KLHL2: variants seen among roughly 807,000 people sequenced by gnomAD.
KLHL2 encodes the protein kelch-like protein 2.
In KLHL2, 15 loss-of-function variants were observed where a neutral mutation model predicts 75.8. The ratio of observed to expected loss-of-function variants is 0.20; its 90% confidence interval spans 0.13 to 0.30. The LOEUF is 0.30. Among genes scored for constraint, KLHL2 ranks in the 10% least tolerant of loss-of-function variants. The pLI is 1.00. For missense variants in KLHL2, 381 were observed against 741.0 expected (o/e 0.51, Z 5.64); for synonymous variants, 214 against 251.9 (o/e 0.85, Z 1.42).
chr4:165,261,256 A>G (rs1429635554), intron 4 of KLHL2, among the ~76,000 whole-genome samples: 1 of 152,262 alleles, frequency 6.6e-6, no homozygotes, highest in African/African-American at 2.4e-5. Context: ...CCTTCTGTGG[A>G]TATTCATTCT....
chr4:165,313,294 G>A lies in KLHL2; in HGVS notation c.1396G>A (p.Val466Ile). ...DGASRQCLST[V>I]ECYNATTNEW... ...AGCATCACGTCAGTGTCTTAGCACAGTAGAATGCTATAATGCTACAACAAA... is the reference window on the plus strand; with the variant it reads ...AGCATCACGTCAGTGTCTTAGCACAATAGAATGCTATAATGCTACAACAAA... Residue 466 changes from valine to isoleucine, a missense_variant, in exon 12 of 15, where the codon GTA becomes ATA. Physicochemically the swap from Val to Ile is conservative, Grantham distance 29. Transcript: ENST00000226725. 1 of 1,601,872 alleles carries A rather than the reference G, an allele frequency of 6.2e-7. No homozygotes were observed. Among genetic ancestry groups the A allele is most frequent in the Non-Finnish European group, 8.5e-7 (1 of 1,174,990 alleles).
Position 165,207,738 on chromosome 4 carries a change from G to T in KLHL2, c.-139G>T, listed in dbSNP as rs911696618. ...GGGGGCCGCCGCCGCAGGTGGTGGC[G>T]CGCGGTGAGGAGAGCGCGGCGCCCC... On this transcript the variant is annotated 5_prime_UTR_variant, in exon 1 of 15. Transcript: ENST00000226725. This position sits in a 1 kb window ranked among gnomAD's most constrained non-coding sequence, Gnocchi z 4.2. The T allele has an allele frequency of 2.0e-6, 1 of 488,996 alleles. No homozygotes were observed. Among genetic ancestry groups the T allele is most frequent in the South Asian group, 6.0e-5 (1 of 16,580 alleles). 30.3% of individuals were successfully genotyped at this position (488,996 alleles called of 1,614,324 possible).
At position 165,228,823 on chromosome 4, in the gene KLHL2, G is replaced by A; in HGVS notation, c.169G>A (p.Asp57Asn). 1.2e-6 allele frequency: 2 copies of A among 1,612,072 alleles called. No individual in the cohort carries two copies. The highest frequency in any genetic ancestry group is 8.5e-7 in the Non-Finnish European group (1 of 1,178,578). The change falls in exon 3 of 15, where the codon GAT becomes AAT. Residue 57 changes from aspartate (D) to asparagine (N), a missense_variant. Coordinates refer to ENST00000226725, the MANE Select transcript of KLHL2 (RefSeq NM_007246.4). ...TTTACACAGTCAAAATTTGCTGTGC[G>A]ATGTCACAATTGTGGCAGAAGACAT... Reference protein sequence around the residue: ...NELRSQNLLCDVTIVAEDMEI... With the variant: ...NELRSQNLLCNVTIVAEDMEI...
At chr4:165,308,079 T>C (rs1248119565) in intron 9 of KLHL2, among the ~76,000 whole-genome samples, 1 of 152,234 alleles carries the variant, frequency 6.6e-6, no homozygotes, top group Non-Finnish European at 1.5e-5. Flanking sequence ...CAATTTTAGT[T>C]ACTGAGCTTT....
chr4:165,300,229 A>G (rs1039043952), intron 8 of KLHL2, among the ~76,000 whole-genome samples: 7 of 151,884 alleles, frequency 4.6e-5, no homozygotes, highest in African/African-American at 1.7e-4. Context: ...CGGAGGTTGC[A>G]GTGAGCTGAG....
At chr4:165,253,833 T>C (rs570133633) in intron 4 of KLHL2, among the ~76,000 whole-genome samples, 1 of 152,372 alleles carries the variant, frequency 6.6e-6, no homozygotes, top group Non-Finnish European at 1.5e-5. Context: ...GTGAGAGTCA[T>C]CTATGCTGTT....
At chr4:165,283,588 C>G (rs553619072) in intron 5 of KLHL2, among the ~76,000 whole-genome samples, 55 of 152,328 alleles carry the variant, frequency 3.6e-4, no homozygotes, top group Non-Finnish European at 7.2e-4. Context: ...TTGGGCAGCT[C>G]CTACCTCCTG....
chr4:165,279,347 C>G (rs1255176527), intron 5 of KLHL2: 5 of 1,579,546 alleles, frequency 3.2e-6, no homozygotes, highest in Non-Finnish European at 4.4e-6. Flanking sequence ...TATCTTGTCC[C>G]AGACTACGGT....
chr4:165,262,690 C>T (rs1163278731), intron 4 of KLHL2, among the ~76,000 whole-genome samples: 1 of 152,058 alleles, frequency 6.6e-6, no homozygotes, highest in East Asian at 1.9e-4. Flanking sequence ...GTGATCCTCC[C>T]ACCTCTGCCT....
At chr4:165,264,678 ATGTATGTG>A (rs1327902990) in intron 5 of KLHL2, among the ~76,000 whole-genome samples, 3 of 64,828 alleles carry the variant, frequency 4.6e-5, no homozygotes, top group African/African-American at 1.4e-4. Flanking sequence ...ACATACGTAT[ATGTATGTG>A]TGTGTGTGTG....
rs182133305 is a variant in KLHL2, at chr4:165,275,662, G to C, written c.544+12303G>C. On this transcript the variant is annotated intron_variant, in intron 5 of 14. Transcript: ENST00000226725. ...TTGCTGTGTTGCCCAGGCTGTGCTC[G>C]AACTCCTGGCCTTAAGCAGTCCTCC... Among the ~76,000 whole-genome samples the C allele has an allele frequency of 6.9e-3, 1,046 of 152,196 alleles. 15 individuals carry two copies. Among genetic ancestry groups the C allele is most frequent in the African/African-American group, 0.024 (990 of 41,516 alleles).
At chr4:165,253,280 C>A (rs949181875) in intron 4 of KLHL2, among the ~76,000 whole-genome samples, 1 of 152,062 alleles carries the variant, frequency 6.6e-6, no homozygotes, top group Admixed American at 6.5e-5. Context: ...GTGATCCAAC[C>A]GCCTCGGCCT....
intron 13 of KLHL2, 96 bp from the exon 14 acceptor site, chr4:165,317,729 AT>A: frequency 1.1e-6 from 1 of 903,902 alleles, no homozygotes; most frequent in Non-Finnish European, 1.7e-6. Flanking sequence ...TTTCAAAGAA[AT>A]TAGTGTCTCT....
chr4:165,302,643 T>C (rs1162795924), intron 8 of KLHL2, among the ~76,000 whole-genome samples: 1 of 152,180 alleles, frequency 6.6e-6, no homozygotes, highest in African/African-American at 2.4e-5. Context: ...TGTTAGCTTT[T>C]CTCTTTGGAA....
At chr4:165,253,549 C>T (rs1321803627) in intron 4 of KLHL2, among the ~76,000 whole-genome samples, 1 of 152,130 alleles carries the variant, frequency 6.6e-6, no homozygotes, top group African/African-American at 2.4e-5. Context: ...TTGTTTTTCC[C>T]CTAGTGGGAT....
Position 165,271,060 on chromosome 4 carries a change from T to C in KLHL2, c.544+7701T>C, listed in dbSNP as rs1016690404. ...TCTGGTTATGATACCCTTATATTAG[T>C]ATAATTTGAAGTCAGGTAATGTCAT... On this transcript the variant is annotated intron_variant, in intron 5 of 14. Coordinates refer to ENST00000226725, the MANE Select transcript of KLHL2 (RefSeq NM_007246.4). 5.3e-5 allele frequency among the ~76,000 whole-genome samples: 8 copies of C among 152,316 alleles called. No individual in the cohort carries two copies. The East Asian group carries it at 1.5e-3, about 29-fold the overall frequency.
At chr4:165,208,281 T>C (rs1430170984) in intron 1 of KLHL2, among the ~76,000 whole-genome samples, 1 of 152,070 alleles carries the variant, frequency 6.6e-6, no homozygotes, top group Non-Finnish European at 1.5e-5. Flanking sequence ...ACTGAGTCCG[T>C]TGAAAAAAGG....
At chr4:165,234,506 A>G (rs944873929) in intron 3 of KLHL2, among the ~76,000 whole-genome samples, 5 of 151,842 alleles carry the variant, frequency 3.3e-5, no homozygotes, top group African/African-American at 1.2e-4. Flanking sequence ...TTTTAAACCT[A>G]TTCACTTTTC....
intron 6 of KLHL2, 32 bp from the exon 7 acceptor site, chr4:165,297,577 C>G (rs747278699): frequency 7.7e-7 from 1 of 1,298,550 alleles, no homozygotes. Context: ...CAACTCATTT[C>G]TTATTTTTTC....
Sources: gnomAD v4.1 joint callset for allele counts (sites outside exome capture counted in the v4.1 genomes callset) on GRCh38, gnomAD v4.1.1 for gene constraint, Gnocchi (gnomAD v3.1) non-coding constraint, MANE v1.5 for transcripts, NCBI Gene and HGNC (gene_info 2026-07-23, HGNC 2026-07-21) for gene names.